TSPAN18: variants seen among roughly 807,000 people sequenced by gnomAD.
TSPAN18 encodes the protein tetraspanin-18.
In TSPAN18, 14 loss-of-function variants were observed where a neutral mutation model predicts 27.3. The ratio of observed to expected loss-of-function variants is 0.51; its 90% CI spans 0.34 to 0.80. The LOEUF is 0.80. Ranked by LOEUF, TSPAN18 falls within the 30% of genes least tolerant of loss-of-function variation. TSPAN18 has a pLI of 0.01. For synonymous variants in TSPAN18, 143 were observed against 136.5 expected, an observed-to-expected ratio of 1.05 and a Z score of -0.33; for missense variants, 268 against 323.9, an observed-to-expected ratio of 0.83 and a Z score of 1.32.
At chr11:44,898,278 G>A (rs2135303265) in intron 3 of TSPAN18, among the ~76,000 whole-genome samples, 1 of 152,304 alleles carries the variant, frequency 6.6e-6, no homozygotes, top group East Asian at 1.9e-4. Flanking sequence ...TTGGAACTTG[G>A]CCAAGCTCCT....
chr11:44,808,124 G>T (rs1316621728), intron 2 of TSPAN18, among the ~76,000 whole-genome samples: 2 of 152,154 alleles, frequency 1.3e-5, no homozygotes, highest in Non-Finnish European at 2.9e-5. Context: ...CCCCTATTAT[G>T]TGCCAGGAGC....
At chr11:44,807,414 GCTACT>G (rs1856621866) in intron 2 of TSPAN18, among the ~76,000 whole-genome samples, 1 of 42,604 alleles carries the variant, frequency 2.3e-5, no homozygotes, top group Admixed American at 1.9e-4. Context: ...TGTAGTCCCA[GCTACT>G]TGGGAGGCTG....
chr11:44,820,887 C>T (rs1856913539), intron 2 of TSPAN18, among the ~76,000 whole-genome samples: 2 of 152,216 alleles, frequency 1.3e-5, no homozygotes, highest in Non-Finnish European at 2.9e-5. Flanking sequence ...TGCCTGCTCC[C>T]CCTTCACCTT....
At chr11:44,901,722 C>A (rs997134532) in intron 3 of TSPAN18, among the ~76,000 whole-genome samples, 1 of 152,216 alleles carries the variant, frequency 6.6e-6, no homozygotes, top group Non-Finnish European at 1.5e-5. Context: ...TTGTGCCCAA[C>A]TCTCTGCTTG....
At chr11:44,819,379 TC>T (rs1045000707) in intron 2 of TSPAN18, among the ~76,000 whole-genome samples, 12 of 152,200 alleles carry the variant, frequency 7.9e-5, no homozygotes, top group African/African-American at 2.9e-4. Context: ...TTCAGGCTAA[TC>T]GCAGGGGCCC....
At chr11:44,778,156 A>C (rs1041983849) in intron 2 of TSPAN18, among the ~76,000 whole-genome samples, 2 of 151,974 alleles carry the variant, frequency 1.3e-5, no homozygotes, top group African/African-American at 4.8e-5. Flanking sequence ...GGTTCTTTCT[A>C]GTTCTGAGGT....
intron 8 of TSPAN18, among the ~76,000 whole-genome samples, chr11:44,925,220 T>C (rs1191316004): frequency 6.6e-6 from 1 of 152,226 alleles, no homozygotes; most frequent in Non-Finnish European, 1.5e-5. Context: ...TTACCTTGGG[T>C]ATCGTCCTAT....
chr11:44,749,224 T>G (rs1278106654), intron 1 of TSPAN18, among the ~76,000 whole-genome samples: 1 of 152,280 alleles, frequency 6.6e-6, no homozygotes, highest in Non-Finnish European at 1.5e-5. Flanking sequence ...TTATGAGCCT[T>G]GAGCGAGTCT....
In TSPAN18 at chr11:44,931,660, T is replaced by C. The variant is rs1860567681; in HGVS notation, c.*2482T>C. The C allele has an allele frequency of 6.6e-6, 1 of 152,242 alleles. No homozygotes were observed. Among genetic ancestry groups the C allele is most frequent in the South Asian group, 2.1e-4 (1 of 4,832 alleles). The allele number at this position is 152,242 out of a possible 1,614,324, so 9.4% of individuals were successfully genotyped here. A position where few individuals can be genotyped will look rare whatever the true frequency, so the allele number is the denominator to read the frequency against. ...GTTGGCATTCGCTCAGGCTGGTAGC[T>C]ATTTGCAAGACTGCCTGAGGCCATT... On this transcript the variant is annotated 3_prime_UTR_variant, in exon 10 of 10. Transcript: ENST00000520358.
At chr11:44,843,160 G>A (rs1857408059) in intron 2 of TSPAN18, among the ~76,000 whole-genome samples, 1 of 152,106 alleles carries the variant, frequency 6.6e-6, no homozygotes, top group Non-Finnish European at 1.5e-5. Context: ...AATATATGGG[G>A]GGACCTGCCC....
intron 2 of TSPAN18, among the ~76,000 whole-genome samples, chr11:44,767,860 G>C (rs73450607): frequency 6.6e-6 from 1 of 152,148 alleles, no homozygotes; most frequent in South Asian, 2.1e-4. Context: ...TGAAGAGACT[G>C]TCTATTCTCC....
rs114528195 is a variant in TSPAN18 at position 44,763,119 on chromosome 11, G to A, written c.-239-1307G>A. On this transcript the variant is annotated intron_variant, in intron 1 of 9. Transcript: ENST00000520358. ...CCTGAAGTGGTGACACTTTCTCCTG[G>A]GGTTGTAAGGGGCATCAGGTTGATC... 9.3e-4 allele frequency among the ~76,000 whole-genome samples: 141 copies of A among 152,250 alleles called. 1 individual carries two copies. The highest frequency in any genetic ancestry group is 3.3e-3 in the African/African-American group (138 of 41,544).
intron 5 of TSPAN18, among the ~76,000 whole-genome samples, chr11:44,917,286 C>T (rs541979916): frequency 2.6e-5 from 4 of 152,346 alleles, no homozygotes; most frequent in African/African-American, 9.6e-5. Flanking sequence ...AGGGCAGTGC[C>T]TTCCTGGCAG....
intron 2 of TSPAN18, among the ~76,000 whole-genome samples, chr11:44,766,583 TA>T (rs1463988880): frequency 6.6e-6 from 1 of 152,004 alleles, no homozygotes; most frequent in Non-Finnish European, 1.5e-5. Flanking sequence ...TGTATAAGAG[TA>T]AAAAATCTCT....
intron 2 of TSPAN18, among the ~76,000 whole-genome samples, chr11:44,829,928 G>A (rs1025747629): frequency 1.3e-5 from 2 of 152,172 alleles, no homozygotes; most frequent in African/African-American, 4.8e-5. Context: ...CAGACATTTT[G>A]AAACATGCAA....
rs376841216 is a variant in TSPAN18 at position 44,926,627 on chromosome 11, G to A, written c.616-47G>A. The A allele has an allele frequency of 7.7e-6, 12 of 1,562,590 alleles. No homozygotes were observed. In the Middle Eastern group the frequency reaches 5.0e-4, roughly 65 times the overall value. On this transcript the variant is annotated intron_variant, in intron 8 of 9. Transcript: ENST00000520358. ...TCCACATGCTGGACTCTGACTCCAG[G>A]ACTCTCAACCCTGGCCATAGCTTGA...
At chr11:44,805,849 A>G (rs557107590) in intron 2 of TSPAN18, among the ~76,000 whole-genome samples, 2 of 152,086 alleles carry the variant, frequency 1.3e-5, no homozygotes, top group South Asian at 2.1e-4. Context: ...TGACATGGCC[A>G]TCTTCCCTCT....
chr11:44,802,551 G>T (rs1856504395), intron 2 of TSPAN18, among the ~76,000 whole-genome samples: 1 of 149,130 alleles, frequency 6.7e-6, no homozygotes, highest in Admixed American at 6.7e-5. Flanking sequence ...AGAAGTCAGG[G>T]CTGCCTCCCC....
intron 2 of TSPAN18, among the ~76,000 whole-genome samples, chr11:44,822,154 G>A (rs1183648379): frequency 6.6e-6 from 1 of 152,148 alleles, no homozygotes; most frequent in East Asian, 1.9e-4. Flanking sequence ...ATGAGACAGG[G>A]CCAGGGATAG....
Sources: gnomAD v4.1 joint callset for allele counts (sites outside exome capture counted in the v4.1 genomes callset) on GRCh38, gnomAD v4.1.1 for gene constraint, MANE v1.5 for transcripts, NCBI Gene and HGNC (gene_info 2026-07-23, HGNC 2026-07-21) for gene names.